Variants in RAP1B observed in about 807,000 individuals in gnomAD.
RAP1B encodes RAP1B, member of RAS oncogene family.
Under a neutral mutation model 27.5 loss-of-function variants are expected in RAP1B, and 1 was observed. That is an observed-to-expected ratio of 0.04 (90% CI 0.01 to 0.17). The LOEUF is 0.17. RAP1B is among the 10% of genes least tolerant of loss of function. The probability of loss-of-function intolerance (pLI) is 1.00; values close to 1 mark genes in which losing one functional copy is unlikely to be tolerated. For synonymous variants in RAP1B, 75 were observed against 73.1 expected (o/e 1.03, Z -0.13); for missense variants, 84 against 214.8 (o/e 0.39, Z 3.81).
intron 1 of RAP1B, among the ~76,000 whole-genome samples, chr12:68,615,547 C>T (rs1487917294): frequency 6.6e-6 from 1 of 151,506 alleles, no homozygotes; most frequent in African/African-American, 2.4e-5. Context: ...CAAGATCGCT[C>T]CACTGCACTC....
intron 1 of RAP1B, among the ~76,000 whole-genome samples, chr12:68,637,628 A>AAAAAAAAAAAAAAAAAG (rs1872722479): frequency 7.6e-6 from 1 of 131,750 alleles, no homozygotes; most frequent in Non-Finnish European, 1.7e-5. Context: ...AAAAAAAAAA[A>AAAAAAAAAAAAAAAAAG]CAAGATGCCA....
intron 5 of RAP1B, among the ~76,000 whole-genome samples, chr12:68,655,221 G>A (rs1874119191): frequency 6.6e-6 from 1 of 152,170 alleles, no homozygotes; most frequent in South Asian, 2.1e-4. Flanking sequence ...GGGAGGCTGA[G>A]GTGGGAGGAT....
rs71091541 is a variant in RAP1B, at chr12:68,620,606, C to CTT, written c.-27+9576_-27+9577dup. Reference sequence around the variant, plus strand: ...TAAGTCCAAATTTTATTTTCCTTTTCTTTTTTTTTTTTTTGAGACAAGGTC... The same window carrying CTT: ...TAAGTCCAAATTTTATTTTCCTTTTCTTTTTTTTTTTTTTTTGAGACAAGGTC... On this transcript the variant is annotated intron_variant, in intron 1 of 7. Coordinates refer to ENST00000250559, the MANE Select transcript of RAP1B (RefSeq NM_001010942.3). Among the ~76,000 whole-genome samples the CTT allele has an allele frequency of 1.9e-3, 271 of 143,408 alleles. 2 individuals carry two copies. The highest frequency in any genetic ancestry group is 2.5e-3 in the South Asian group (11 of 4,488). The allele number at this position is 143,408 out of a possible 152,430, so 94.1% of individuals were successfully genotyped here.
intron 1 of RAP1B, chr12:68,627,417 T>G: frequency 2.1e-6 from 1 of 482,066 alleles, no homozygotes; most frequent in South Asian, 2.2e-5. Flanking sequence ...CAATCCCTAC[T>G]AGAATGAGAG....
At position 68,668,331 on chromosome 12, in the gene RAP1B, C is replaced by T. The variant is rs368270341; in HGVS notation, c.*9082C>T. The T allele has an allele frequency of 6.6e-6, 1 of 151,446 alleles. No homozygotes were observed. 9.4% of individuals were successfully genotyped at this position (151,446 alleles called of 1,614,324 possible). On this transcript the variant is annotated 3_prime_UTR_variant, in exon 8 of 8. Coordinates refer to ENST00000250559, the MANE Select transcript of RAP1B (RefSeq NM_001010942.3). Reference sequence around the variant, plus strand: ...GAGCCAGTTGCACAGTGTTGATCTCCCTAAGACTATTATAATAAGGAAGGG... The same window carrying T: ...GAGCCAGTTGCACAGTGTTGATCTCTCTAAGACTATTATAATAAGGAAGGG...
chr12:68,621,085 A>G (rs915537732), intron 1 of RAP1B, among the ~76,000 whole-genome samples: 1 of 152,230 alleles, frequency 6.6e-6, no homozygotes, highest in African/African-American at 2.4e-5. Context: ...GTTGCAAAGA[A>G]CAAAGTTGAC....
intron 1 of RAP1B, among the ~76,000 whole-genome samples, chr12:68,631,787 C>T (rs1872255499): frequency 6.6e-6 from 1 of 151,982 alleles, no homozygotes; most frequent in African/African-American, 2.4e-5. Flanking sequence ...TGATATTTTT[C>T]ATATTTTTAT....
At chr12:68,634,668 G>A (rs1354563358) in intron 1 of RAP1B, among the ~76,000 whole-genome samples, 1 of 151,822 alleles carries the variant, frequency 6.6e-6, no homozygotes, top group East Asian at 1.9e-4. Context: ...TCTTGACTCG[G>A]CTGAGAAATC....
chr12:68,654,573 G>A (rs959087953), intron 5 of RAP1B, among the ~76,000 whole-genome samples: 1 of 151,622 alleles, frequency 6.6e-6, no homozygotes, highest in African/African-American at 2.4e-5. Flanking sequence ...TACCTCCCGG[G>A]TTCACGCCAT....
At chr12:68,632,152 T>G (rs1200507788) in intron 1 of RAP1B, among the ~76,000 whole-genome samples, 1 of 148,726 alleles carries the variant, frequency 6.7e-6, no homozygotes, top group Non-Finnish European at 1.5e-5. Context: ...TTTTGTTTGT[T>G]TTTTTTTTCC....
intron 1 of RAP1B, among the ~76,000 whole-genome samples, chr12:68,639,193 A>G (rs755573920): frequency 1.3e-5 from 2 of 152,138 alleles, no homozygotes; most frequent in African/African-American, 2.4e-5. Context: ...TTCACTCCCT[A>G]CTTGACCACA....
In RAP1B at chr12:68,635,886, A is replaced by AT. The variant is rs34324047; in HGVS notation, c.-26-12803dup. 9.0e-3 allele frequency among the ~76,000 whole-genome samples: 543 copies of AT among 60,628 alleles called. 9 individuals are homozygous for AT. The highest frequency in any genetic ancestry group is 0.035 in the African/African-American group (518 of 14,834). The allele number at this position is 60,628 out of a possible 152,430, so 39.8% of individuals were successfully genotyped here. ...TTTCCATTTTGGTTATACCCATGAA[A>AT]TTTTTTTTTTGTTACGAAGTCTTGC... On this transcript the variant is annotated intron_variant, in intron 1 of 7. Coordinates refer to ENST00000250559, the MANE Select transcript of RAP1B (RefSeq NM_001010942.3).
chr12:68,658,648 A>G (rs915240210), intron 7 of RAP1B, among the ~76,000 whole-genome samples: 2 of 151,902 alleles, frequency 1.3e-5, no homozygotes, highest in Non-Finnish European at 2.9e-5. Context: ...GTGTAATACC[A>G]CCTTTTTCTG....
chr12:68,662,045 CAT>C lies in RAP1B; in HGVS notation c.*2802_*2803del, dbSNP rs919468221. ...ATATATATATATATTATATATAGTA[CAT>C]ATATAGAGAGAGTATATATATATAT... On this transcript the variant is annotated 3_prime_UTR_variant, in exon 8 of 8. Transcript: ENST00000250559. The C allele has an allele frequency of 1.1e-4, 15 of 140,450 alleles. No homozygotes were observed. The highest frequency in any genetic ancestry group is 1.6e-4 in the African/African-American group (6 of 38,288). 8.7% of individuals were successfully genotyped at this position (140,450 alleles called of 1,614,324 possible).
intron 7 of RAP1B, 189 bp downstream of exon 7, chr12:68,657,406 A>G (rs905828326): frequency 1.2e-5 from 5 of 404,182 alleles, no homozygotes; most frequent in African/African-American, 6.3e-5. Context: ...AGTATTTCAC[A>G]TAAGTATTCT....
chr12:68,646,580 G>A (rs749856259), intron 1 of RAP1B, among the ~76,000 whole-genome samples: 4 of 152,126 alleles, frequency 2.6e-5, no homozygotes, highest in East Asian at 1.9e-4. Context: ...GGGCCACTGC[G>A]CCCGGCCCAC....
rs1874787483 is a variant in RAP1B, at chr12:68,664,978, G to A, written c.*5729G>A. On this transcript the variant is annotated 3_prime_UTR_variant, in exon 8 of 8. Coordinates refer to ENST00000250559, the MANE Select transcript of RAP1B (RefSeq NM_001010942.3). The stretch of plus-strand genomic sequence containing the variant: ...TTTCCTGAGCAAATCAACCAATAAT[G>A]AAAAACTATGTGGCTGGCAGAAAAA... 6.6e-6 allele frequency: 1 copy of A among 152,062 alleles called. No homozygotes were observed. Among genetic ancestry groups the A allele is most frequent in the African/African-American group, 2.4e-5 (1 of 41,418 alleles). The allele number at this position is 152,062 out of a possible 1,614,324, so 9.4% of individuals were successfully genotyped here.
At chr12:68,611,272 G>T (rs997470214) in intron 1 of RAP1B, among the ~76,000 whole-genome samples, 1 of 150,070 alleles carries the variant, frequency 6.7e-6, no homozygotes, top group Non-Finnish European at 1.5e-5. Context: ...AGCCGCCGCC[G>T]CCGCGGGAGA....
intron 1 of RAP1B, among the ~76,000 whole-genome samples, chr12:68,636,285 A>C (rs1236064939): frequency 6.6e-6 from 1 of 152,180 alleles, no homozygotes; most frequent in African/African-American, 2.4e-5. Context: ...TTCATTTATT[A>C]ATGAGATTTA....
Sources: allele counts gnomAD v4.1 joint callset (sites outside exome capture counted in the v4.1 genomes callset), GRCh38; gene constraint gnomAD v4.1.1; transcripts MANE v1.5; gene names NCBI Gene and HGNC (gene_info 2026-07-23, HGNC 2026-07-21).